Variants in ZSCAN5A observed in about 807,000 individuals in gnomAD.
ZSCAN5A encodes the protein zinc finger and SCAN domain-containing protein 5A.
In ZSCAN5A, 12 loss-of-function variants were observed where a neutral mutation model predicts 23.7. The observed-to-expected ratio is 0.51, with a 90% confidence interval of 0.32 to 0.82. The LOEUF (loss-of-function observed/expected upper bound fraction) is 0.82. ZSCAN5A is among the 40% of genes least tolerant of loss of function. The pLI is 0.03. For missense variants in ZSCAN5A, 597 were observed against 617.9 expected, an observed-to-expected ratio of 0.97 and a Z score of 0.36; for synonymous variants, 257 against 239.9, an observed-to-expected ratio of 1.07 and a Z score of -0.66.
intron 2 of ZSCAN5A, among the ~76,000 whole-genome samples, chr19:56,355,428 GTA>G (rs2041695232): frequency 6.7e-6 from 1 of 148,330 alleles, no homozygotes; most frequent in Non-Finnish European, 1.5e-5. Context: ...TTATTTTACT[GTA>G]TACTCCATGA....
At chr19:56,292,059 G>A (rs2039546063) in intron 2 of ZSCAN5A, among the ~76,000 whole-genome samples, 1 of 152,116 alleles carries the variant, frequency 6.6e-6, no homozygotes, top group Admixed American at 6.5e-5. Context: ...CAGTGGTGAC[G>A]GTGGGTTACG....
At chr19:56,302,533 T>C (rs12462744) in intron 2 of ZSCAN5A, among the ~76,000 whole-genome samples, 1,148 of 26,966 alleles carry the variant, frequency 0.043, 43 homozygotes, top group African/African-American at 0.076. Flanking sequence ...TCCCTCCCTC[T>C]TCTTCCTCCC....
intron 2 of ZSCAN5A, among the ~76,000 whole-genome samples, chr19:56,263,884 T>C (rs1198634658): frequency 6.6e-6 from 1 of 152,172 alleles, no homozygotes; most frequent in Non-Finnish European, 1.5e-5. Flanking sequence ...CTATACATAT[T>C]GCTAAGTGTT....
At chr19:56,228,270 C>T (rs2034144097) in intron 2 of ZSCAN5A, 1 of 985,268 alleles carries the variant, frequency 1.0e-6, no homozygotes, top group Admixed American at 6.2e-5. Flanking sequence ...CGGCTTCTGC[C>T]TCCGACCTTC....
At chr19:56,313,656 AG>A (rs1295733332) in intron 1 of ZSCAN5A, among the ~76,000 whole-genome samples, 1 of 152,238 alleles carries the variant, frequency 6.6e-6, no homozygotes, top group Non-Finnish European at 1.5e-5. Context: ...TTTTATCATT[AG>A]GAGGTTTCAT....
upstream of ZSCAN5A, chr19:56,315,575 G>C (rs1392651587): frequency 6.6e-6 from 1 of 152,342 alleles, no homozygotes; most frequent in Non-Finnish European, 1.5e-5. Flanking sequence ...TGATGTGAAG[G>C]GGCTGTGGGT....
chr19:56,241,703 T>C (rs1236692035), intron 2 of ZSCAN5A, among the ~76,000 whole-genome samples: 2 of 152,192 alleles, frequency 1.3e-5, no homozygotes, highest in Non-Finnish European at 2.9e-5. Flanking sequence ...CCAACTGAAA[T>C]TTGTACCCTT....
intron 2 of ZSCAN5A, among the ~76,000 whole-genome samples, chr19:56,261,826 TTTTG>T (rs978169982): frequency 2.0e-5 from 3 of 152,350 alleles, no homozygotes; most frequent in African/African-American, 7.2e-5. Context: ...TTTTCTTTAT[TTTTG>T]TTTGTTTATT....
In ZSCAN5A at chr19:56,222,210, C is replaced by T. The variant is rs770814502; in HGVS notation, c.856G>A (p.Gly286Arg). Reference sequence around the variant, plus strand: ...AGATTCAGAGCGTCTCCTCTGTTCCCGCTGTGAGTCGAAGCTTCTCTCTCC... The same window carrying T: ...AGATTCAGAGCGTCTCCTCTGTTCCTGCTGTGAGTCGAAGCTTCTCTCTCC... The part of the protein sequence containing the change: ...VVEREASTHS[G>R]NRGDALNLSS... The change falls in exon 6 of 6, where the codon GGG becomes AGG. Residue 286 changes from glycine (G) to arginine (R), a missense_variant. Gly to Arg is a moderately radical substitution (Grantham distance 125, BLOSUM62 -2). Coordinates refer to ENST00000683990, the MANE Select transcript of ZSCAN5A (RefSeq NM_001322064.3). 2.2e-5 allele frequency: 35 copies of T among 1,613,804 alleles called. 1 individual carries two copies. The highest frequency in any genetic ancestry group is 5.5e-5 in the South Asian group (5 of 91,078).
upstream of ZSCAN5A, among the ~76,000 whole-genome samples, chr19:56,318,161 G>A (rs759314182): frequency 1.3e-5 from 2 of 152,128 alleles, no homozygotes; most frequent in Non-Finnish European, 2.9e-5. Context: ...AGTTGTGTGT[G>A]TGCGTGCACG....
chr19:56,246,442 G>C (rs2035903038), intron 2 of ZSCAN5A: 1 of 574,832 alleles, frequency 1.7e-6, no homozygotes, highest in Admixed American at 2.7e-5. Context: ...TACATCCCCA[G>C]AGCCTCAGCT....
At chr19:56,307,670 T>G (rs2040787402) in intron 2 of ZSCAN5A, among the ~76,000 whole-genome samples, 1 of 152,214 alleles carries the variant, frequency 6.6e-6, no homozygotes, top group African/African-American at 2.4e-5. Flanking sequence ...CCTAATAGTT[T>G]GCCTTGTGAA....
chr19:56,353,544 CGAATCA>C (rs1568765015), intron 2 of ZSCAN5A, among the ~76,000 whole-genome samples: 1 of 151,854 alleles, frequency 6.6e-6, no homozygotes, highest in Non-Finnish European at 1.5e-5. Context: ...CCGAGGCGGG[CGAATCA>C]GGAGGTCAGG....
intron 2 of ZSCAN5A, among the ~76,000 whole-genome samples, chr19:56,239,722 T>G (rs2035259263): frequency 1.3e-5 from 2 of 152,258 alleles, no homozygotes; most frequent in Admixed American, 6.5e-5. Context: ...ACTGTATTTT[T>G]CAATATACTG....
intron 2 of ZSCAN5A, among the ~76,000 whole-genome samples, chr19:56,302,258 C>T (rs922009745): frequency 2.0e-4 from 30 of 151,956 alleles, no homozygotes; most frequent in Admixed American, 1.1e-3. Flanking sequence ...CTCTCCCACC[C>T]GCCTCCATCT....
At chr19:56,233,498 G>A (rs554902076) in intron 2 of ZSCAN5A, among the ~76,000 whole-genome samples, 4 of 152,124 alleles carry the variant, frequency 2.6e-5, no homozygotes, top group Admixed American at 6.5e-5. Context: ...CCATCCTGGC[G>A]GTGGGTGGAT....
chr19:56,228,106 CAGAGTT>C (rs1204167700), intron 2 of ZSCAN5A: 21 of 379,768 alleles, frequency 5.5e-5, no homozygotes, highest in Non-Finnish European at 7.6e-5. Flanking sequence ...CATAACGAGT[CAGAGTT>C]AATCATGGGG....
chr19:56,231,855 C>T (rs888137072), intron 2 of ZSCAN5A, among the ~76,000 whole-genome samples: 1 of 152,144 alleles, frequency 6.6e-6, no homozygotes. Context: ...AGAAGCTGAA[C>T]ATCCCCACCA....
chr19:56,247,458 ACAT>A (rs1047948103), intron 2 of ZSCAN5A: 1 of 167,178 alleles, frequency 6.0e-6, no homozygotes, highest in African/African-American at 2.4e-5. Flanking sequence ...ACCAGAAAAC[ACAT>A]CAAGAAACCA....
Sources: gnomAD v4.1 joint callset for allele counts (sites outside exome capture counted in the v4.1 genomes callset) on GRCh38, gnomAD v4.1.1 for gene constraint, MANE v1.5 for transcripts, NCBI Gene and HGNC (gene_info 2026-07-23, HGNC 2026-07-21) for gene names.